Variants in NOS1AP observed in about 807,000 individuals in gnomAD.
NOS1AP encodes the protein nitric oxide synthase 1 adaptor protein.
In NOS1AP, 21 loss-of-function variants were observed where a neutral mutation model predicts 56.2. The ratio of observed to expected loss-of-function variants is 0.37; its 90% CI spans 0.26 to 0.54. The LOEUF (loss-of-function observed/expected upper bound fraction) is 0.54, where lower values mean the gene tolerates loss of function less well. NOS1AP is among the 20% of genes least tolerant of loss of function. NOS1AP has a pLI of 0.84. For missense variants in NOS1AP, 522 were observed against 657.8 expected, an observed-to-expected ratio of 0.79 and a Z score of 2.26; for synonymous variants, 270 against 274.6, an observed-to-expected ratio of 0.98 and a Z score of 0.17.
At chr1:162,101,241 G>A (rs543678190) in intron 1 of NOS1AP, among the ~76,000 whole-genome samples, 1 of 152,244 alleles carries the variant, frequency 6.6e-6, no homozygotes, top group East Asian at 1.9e-4. Context: ...AAGATCAGAT[G>A]GTTGTAAGTG....
chr1:162,306,963 C>CAA (rs5778264), intron 4 of NOS1AP, among the ~76,000 whole-genome samples: 1 of 142,144 alleles, frequency 7.0e-6, no homozygotes, highest in East Asian at 2.0e-4. Context: ...ACTTTTGTCT[C>CAA]AAAAAAAAAA....
chr1:162,358,752 T>C (rs1510289), intron 8 of NOS1AP, among the ~76,000 whole-genome samples: 1 of 152,200 alleles, frequency 6.6e-6, no homozygotes, highest in Non-Finnish European at 1.5e-5. Context: ...ATAATACTTT[T>C]ATTTTGCAGC....
At chr1:162,272,729 A>G (rs1323972594) in intron 2 of NOS1AP, among the ~76,000 whole-genome samples, 1 of 152,078 alleles carries the variant, frequency 6.6e-6, no homozygotes, top group Non-Finnish European at 1.5e-5. Context: ...GAAACCAACA[A>G]AGTAGTTGGT....
In NOS1AP at chr1:162,069,924, T is replaced by A. The variant is rs552059515; in HGVS notation, c.-254T>A. 4.8e-4 allele frequency: 96 copies of A among 201,796 alleles called. No individual in the cohort carries two copies. The highest frequency in any genetic ancestry group is 1.2e-3 in the Admixed American group (19 of 16,458). The allele number at this position is 201,796 out of a possible 1,614,324, so 12.5% of individuals were successfully genotyped here. A position where few individuals can be genotyped will look rare whatever the true frequency, so the allele number is the denominator to read the frequency against. ...CCGCTCCCGCCGCCACCTCCTCCCC[T>A]GCCGCCCTCCTAGCCGGCAGGAATT... On this transcript the variant is annotated 5_prime_UTR_variant, in exon 1 of 10. Coordinates refer to ENST00000361897, the MANE Select transcript of NOS1AP (RefSeq NM_014697.3).
intron 5 of NOS1AP, among the ~76,000 whole-genome samples, chr1:162,333,351 G>A (rs531775904): frequency 4.6e-5 from 7 of 152,252 alleles, no homozygotes; most frequent in East Asian, 3.9e-4. Flanking sequence ...CGTTGACTAC[G>A]TGCTCTGGGA....
intron 1 of NOS1AP, among the ~76,000 whole-genome samples, chr1:162,107,077 A>G (rs565669931): frequency 1.3e-5 from 2 of 152,366 alleles, no homozygotes; most frequent in African/African-American, 2.4e-5. Context: ...TATGAAGATG[A>G]AAAAGAAATG....
chr1:162,160,106 A>G (rs891233346), intron 2 of NOS1AP, among the ~76,000 whole-genome samples: 1 of 152,188 alleles, frequency 6.6e-6, no homozygotes, highest in Non-Finnish European at 1.5e-5. Context: ...CGCTGTAGCT[A>G]GATGACACTC....
intron 2 of NOS1AP, among the ~76,000 whole-genome samples, chr1:162,240,310 G>A (rs1464199467): frequency 2.0e-5 from 3 of 150,050 alleles, no homozygotes; most frequent in South Asian, 4.2e-4. Context: ...CACCTGGCAC[G>A]TGGATTGGGA....
At chr1:162,134,388 G>A (rs1304542578) in intron 1 of NOS1AP, among the ~76,000 whole-genome samples, 1 of 151,086 alleles carries the variant, frequency 6.6e-6, no homozygotes, top group African/African-American at 2.4e-5. Context: ...TGGGGAGGCT[G>A]AGGCATGAAA....
At chr1:162,147,489 T>C (rs1649523175) in intron 1 of NOS1AP, among the ~76,000 whole-genome samples, 1 of 152,226 alleles carries the variant, frequency 6.6e-6, no homozygotes, top group East Asian at 1.9e-4. Context: ...GGTGAATGTT[T>C]CGAGCTTTCT....
At chr1:162,319,034 G>A (rs980309560) in intron 4 of NOS1AP, among the ~76,000 whole-genome samples, 22 of 152,140 alleles carry the variant, frequency 1.4e-4, no homozygotes, top group African/African-American at 5.3e-4. Flanking sequence ...TTTCTTGCCT[G>A]GACTCAGGGT....
chr1:162,332,447 C>T (rs925668476), intron 4 of NOS1AP, among the ~76,000 whole-genome samples: 2 of 152,228 alleles, frequency 1.3e-5, no homozygotes, highest in African/African-American at 4.8e-5. Flanking sequence ...TGGGATAGTG[C>T]CTGGCCCACA....
chr1:162,234,427 A>G (rs1653221303), intron 2 of NOS1AP, among the ~76,000 whole-genome samples: 1 of 141,888 alleles, frequency 7.0e-6, no homozygotes, highest in Non-Finnish European at 1.6e-5. Context: ...GTGCTCTTGG[A>G]TGTCTCTTTT....
At chr1:162,085,636 A>G (rs1205015731) in intron 1 of NOS1AP, among the ~76,000 whole-genome samples, 1 of 152,092 alleles carries the variant, frequency 6.6e-6, no homozygotes, top group Non-Finnish European at 1.5e-5. Context: ...CTGAATTTGC[A>G]TTCCTAAATG....
chr1:162,296,734 T>TCATTA (rs1345729244), intron 3 of NOS1AP, among the ~76,000 whole-genome samples: 1 of 152,218 alleles, frequency 6.6e-6, no homozygotes, highest in African/African-American at 2.4e-5. Context: ...ATGAATGTCT[T>TCATTA]AGTTACATTC....
chr1:162,171,253 G>T (rs1002022831), intron 2 of NOS1AP, among the ~76,000 whole-genome samples: 3 of 152,198 alleles, frequency 2.0e-5, no homozygotes, highest in Non-Finnish European at 4.4e-5. Flanking sequence ...GCATGAAAAG[G>T]TTGTGGCTTG....
intron 1 of NOS1AP, among the ~76,000 whole-genome samples, chr1:162,086,376 G>A (rs1692003234): frequency 6.6e-6 from 1 of 152,078 alleles, no homozygotes; most frequent in Non-Finnish European, 1.5e-5. Context: ...GTGTTTCCAG[G>A]CTTTTGTTAA....
At chr1:162,154,018 G>T (rs1571070246) in intron 1 of NOS1AP, among the ~76,000 whole-genome samples, 1 of 142,600 alleles carries the variant, frequency 7.0e-6, no homozygotes, top group African/African-American at 2.6e-5. Context: ...TCACTTTTGT[G>T]TAGGACATTT....
intron 1 of NOS1AP, among the ~76,000 whole-genome samples, chr1:162,153,929 CTCAA>C (rs1649820766): frequency 1.3e-5 from 2 of 151,600 alleles, no homozygotes; most frequent in Non-Finnish European, 2.9e-5. Context: ...ACATCTAGGG[CTCAA>C]TCAGTGAAAT....
Sources: allele counts gnomAD v4.1 joint callset (sites outside exome capture counted in the v4.1 genomes callset), GRCh38; gene constraint gnomAD v4.1.1; transcripts MANE v1.5; gene names NCBI Gene and HGNC (gene_info 2026-07-23, HGNC 2026-07-21).